Variants in BACH2 observed in about 807,000 individuals in gnomAD.
The protein encoded by BACH2 is BACH transcriptional regulator 2.
In BACH2, 5 loss-of-function variants were observed where a neutral mutation model predicts 61.8. The observed-to-expected ratio is 0.08, with a 90% CI of 0.04 to 0.17. The LOEUF (loss-of-function observed/expected upper bound fraction) is 0.17. BACH2 is among the 10% of genes least tolerant of loss of function. The pLI, the probability that BACH2 is intolerant of heterozygous loss-of-function variation, is 1.00. For synonymous variants in BACH2, 446 were observed against 440.1 expected (o/e 1.01, Z -0.17); for missense variants, 824 against 1,091.1 (o/e 0.76, Z 3.45).
intron 4 of BACH2, among the ~76,000 whole-genome samples, chr6:90,163,801 C>T (rs1257103470): frequency 6.6e-6 from 1 of 152,176 alleles, no homozygotes; most frequent in East Asian, 1.9e-4. Context: ...TATATCTGTG[C>T]TTCCACGATC....
intron 4 of BACH2, among the ~76,000 whole-genome samples, chr6:90,166,421 C>A (rs563744712): frequency 2.0e-5 from 3 of 152,090 alleles, no homozygotes; most frequent in Non-Finnish European, 4.4e-5. Flanking sequence ...GCTAGAGAGG[C>A]TGTGGAGAAA....
chr6:90,085,877 G>T (rs116810652), intron 5 of BACH2, among the ~76,000 whole-genome samples: 4 of 152,060 alleles, frequency 2.6e-5, no homozygotes, highest in Admixed American at 2.6e-4. Flanking sequence ...GTGCATTTCG[G>T]TGGCATTAAA....
At chr6:89,999,960 T>A (rs780034580) in intron 6 of BACH2, among the ~76,000 whole-genome samples, 1 of 152,230 alleles carries the variant, frequency 6.6e-6, no homozygotes, top group Non-Finnish European at 1.5e-5. Context: ...TTTTTAGATA[T>A]GTCTTAGGTT....
At position 90,225,383 on chromosome 6, in the gene BACH2, G is replaced by GT. The variant is rs1345356071; in HGVS notation, c.-274-18703dup. On this transcript the variant is annotated intron_variant, in intron 3 of 8. Transcript: ENST00000257749. ...GTCTGGATAATTGGAGTGATACCCT[G>GT]TTTTTTAAAAAAATACAGACAAAAT... Among the ~76,000 whole-genome samples the GT allele has an allele frequency of 2.6e-5, 4 of 151,958 alleles. No homozygotes were observed. The East Asian group carries it at 7.7e-4, about 29-fold the overall frequency.
rs543004800 is a variant in BACH2, at chr6:89,996,318, C to T, written c.243+12284G>A. 1.1e-3 allele frequency among the ~76,000 whole-genome samples: 167 copies of T among 152,310 alleles called. 1 individual carries two copies. Among genetic ancestry groups the T allele is most frequent in the Middle Eastern group, 3.4e-3 (1 of 294 alleles). On this transcript the variant is annotated intron_variant, in intron 6 of 8. Coordinates refer to ENST00000257749, the MANE Select transcript of BACH2 (RefSeq NM_021813.4). ...GCTCAGGCTGTGTCTCCTGACTGTG[C>T]TCTCTGTCTGTGGTGGGTTGTTGTT...
At chr6:90,012,482 T>C (rs1216179448) in intron 5 of BACH2, among the ~76,000 whole-genome samples, 1 of 151,428 alleles carries the variant, frequency 6.6e-6, no homozygotes, top group Non-Finnish European at 1.5e-5. Flanking sequence ...ACGCAAAAAT[T>C]AGCCAGGCAT....
chr6:90,099,051 C>T (rs185571452), intron 4 of BACH2, among the ~76,000 whole-genome samples: 1 of 152,192 alleles, frequency 6.6e-6, no homozygotes, highest in African/African-American at 2.4e-5. Context: ...AAAAATTAAA[C>T]CTGTTTTTTT....
chr6:89,970,823 A>G (rs765806773), intron 6 of BACH2, among the ~76,000 whole-genome samples: 3 of 152,338 alleles, frequency 2.0e-5, no homozygotes, highest in Middle Eastern at 3.4e-3. Context: ...AGAAAAGACC[A>G]GGAGAGGGAG....
At chr6:90,280,133 A>T (rs1418362225) in intron 1 of BACH2, among the ~76,000 whole-genome samples, 3 of 152,208 alleles carry the variant, frequency 2.0e-5, no homozygotes, top group Non-Finnish European at 4.4e-5. Flanking sequence ...AAGAAAAAAT[A>T]TGCTAAATAT....
At chr6:90,245,379 C>T (rs564121096) in intron 3 of BACH2, among the ~76,000 whole-genome samples, 2 of 152,028 alleles carry the variant, frequency 1.3e-5, no homozygotes, top group South Asian at 4.2e-4. Flanking sequence ...TCACTTGAGG[C>T]CAGGAGTTCA....
intron 4 of BACH2, among the ~76,000 whole-genome samples, chr6:90,202,663 T>C (rs1768995463): frequency 6.6e-6 from 1 of 152,164 alleles, no homozygotes; most frequent in South Asian, 2.1e-4. Context: ...AAAAATCAAT[T>C]ATTTTTCAAT....
intron 4 of BACH2, among the ~76,000 whole-genome samples, chr6:90,180,813 G>A (rs1768132118): frequency 6.6e-6 from 1 of 150,970 alleles, no homozygotes; most frequent in African/African-American, 2.4e-5. Context: ...TACACACCAT[G>A]GAATACTACT....
Position 90,048,840 on chromosome 6 carries a change from C to G in BACH2, c.-12-39984G>C, listed in dbSNP as rs1215579763. 2.0e-5 allele frequency among the ~76,000 whole-genome samples: 3 copies of G among 152,092 alleles called. No homozygotes were observed. In the East Asian group the frequency reaches 5.8e-4, roughly 29 times the overall value. On this transcript the variant is annotated intron_variant, in intron 5 of 8. Transcript: ENST00000257749. ...GAGTTACTGCTTGCCTGGGAAGAAGCTGAAGGATGTAAGTTAAATTTTTGG... is the reference window on the plus strand; with the variant it reads ...GAGTTACTGCTTGCCTGGGAAGAAGGTGAAGGATGTAAGTTAAATTTTTGG...
chr6:90,141,326 G>A (rs1166593721), intron 4 of BACH2, among the ~76,000 whole-genome samples: 4 of 151,892 alleles, frequency 2.6e-5, no homozygotes, highest in Admixed American at 6.6e-5. Flanking sequence ...GATTACAGGC[G>A]CATGCCACCA....
chr6:89,972,925 TA>T (rs1775448746), intron 6 of BACH2, among the ~76,000 whole-genome samples: 1 of 151,856 alleles, frequency 6.6e-6, no homozygotes, highest in South Asian at 2.1e-4. Context: ...CCGTCTCTAC[TA>T]AAAATACAAA....
At chr6:89,942,160 C>CG (rs1282393863) in intron 7 of BACH2, among the ~76,000 whole-genome samples, 4 of 135,626 alleles carry the variant, frequency 2.9e-5, no homozygotes, top group Non-Finnish European at 6.3e-5. Context: ...CACTGACATG[C>CG]GGGGGTCTCT....
chr6:90,076,811 A>G (rs1781490812), intron 5 of BACH2, among the ~76,000 whole-genome samples: 1 of 152,132 alleles, frequency 6.6e-6, no homozygotes, highest in South Asian at 2.1e-4. Flanking sequence ...TCTGGTGTGC[A>G]CGTACACATT....
At chr6:90,154,510 G>A (rs1406577257) in intron 4 of BACH2, among the ~76,000 whole-genome samples, 2 of 152,150 alleles carry the variant, frequency 1.3e-5, no homozygotes, top group African/African-American at 2.4e-5. Context: ...ATACTAGGAG[G>A]TGACAGACAT....
chr6:90,282,446 G>A (rs746139303), intron 1 of BACH2, among the ~76,000 whole-genome samples: 11 of 151,968 alleles, frequency 7.2e-5, no homozygotes, highest in Non-Finnish European at 1.2e-4. Flanking sequence ...AAGGATAATG[G>A]CCCCCAGCTC....
Sources: allele counts gnomAD v4.1 joint callset (sites outside exome capture counted in the v4.1 genomes callset), GRCh38; gene constraint gnomAD v4.1.1; transcripts MANE v1.5; gene names NCBI Gene and HGNC (gene_info 2026-07-23, HGNC 2026-07-21).